The following EP400 variants were observed in gnomAD, a reference collection of about 807,000 sequenced individuals.
The protein encoded by EP400 is E1A binding protein p400.
EP400 carries 105 observed loss-of-function variants against 354.1 expected under a neutral mutation model. The ratio of observed to expected loss-of-function variants is 0.30; its 90% CI spans 0.25 to 0.35. The LOEUF is 0.35. Among genes scored for constraint, EP400 ranks in the 10% least tolerant of loss-of-function variants. The probability of loss-of-function intolerance (pLI) is 1.00; values close to 1 mark genes in which losing one functional copy is unlikely to be tolerated. For synonymous variants in EP400, 1,646 were observed against 1,716.9 expected (o/e 0.96, Z 1.02); for missense variants, 3,280 against 4,121.0 (o/e 0.80, Z 5.59).
Position 131,990,754 on chromosome 12 carries a change from T to C in EP400, c.2629+40T>C, listed in dbSNP as rs1566176148. On this transcript the variant is annotated intron_variant, in intron 9 of 52. Transcript: ENST00000389561. The surrounding 1 kb of genome is among the most constrained non-coding windows in gnomAD (Gnocchi z 4.2). Reference sequence around the variant, plus strand: ...AAAAAGGCTCACCACGCTTGGGTGGTATTTTGTTCGGATTCTTTTCTCAGC... The same window carrying C: ...AAAAAGGCTCACCACGCTTGGGTGGCATTTTGTTCGGATTCTTTTCTCAGC... 6.8e-7 allele frequency: 1 copy of C among 1,481,022 alleles called. No individual in the cohort carries two copies. 91.7% of individuals were successfully genotyped at this position (1,481,022 alleles called of 1,614,324 possible).
At position 132,053,441 on chromosome 12, in the gene EP400, G is replaced by A. The variant is rs753886306; in HGVS notation, c.7572G>A (p.Pro2524=). The A allele has an allele frequency of 3.5e-5, 39 of 1,101,578 alleles. No individual in the cohort carries two copies. Among genetic ancestry groups the A allele is most frequent in the Middle Eastern group, 7.1e-4 (2 of 2,812 alleles). 68.2% of individuals were successfully genotyped at this position (1,101,578 alleles called of 1,614,324 possible). A position where few individuals can be genotyped will look rare whatever the true frequency, so the allele number is the denominator to read the frequency against. Residue 2524 remains proline (P), a synonymous_variant, in exon 43 of 53, where the codon CCG becomes CCA. Transcript: ENST00000389561. Reference sequence around the variant, plus strand: ...CACCCCCGCAGCAGCCACCGCCACCGCTGCCACAACCACAGGCAGCGGGCA... The same window carrying A: ...CACCCCCGCAGCAGCCACCGCCACCACTGCCACAACCACAGGCAGCGGGCA... The part of the protein sequence containing the change: ...PPPPPQQPPP[P]LPQPQAAGSQ...
At chr12:131,966,903 CAAAAAA>C (rs1179689543) in intron 2 of EP400, among the ~76,000 whole-genome samples, 2 of 57,836 alleles carry the variant, frequency 3.5e-5, no homozygotes, top group East Asian at 5.6e-4. Flanking sequence ...AGACTTGTCT[CAAAAAA>C]AAAAAAAAAA....
In EP400 at chr12:132,049,202, A is replaced by G. The variant is rs1465868753; in HGVS notation, c.7201-1121A>G. ...CGGGGCGGGGCATTCATGCCTGGTT[A>G]GAGCCTGCACAGGAGTTCCATTACC... is the stretch of plus-strand genomic sequence containing the variant. On this transcript the variant is annotated intron_variant, in intron 39 of 52. Coordinates refer to ENST00000389561, the MANE Select transcript of EP400 (RefSeq NM_015409.5). Among the ~76,000 whole-genome samples, 8 of 152,368 alleles carry G rather than the reference A, an allele frequency of 5.3e-5. No homozygotes were observed. In the East Asian group the frequency reaches 1.5e-3, roughly 29 times the overall value.
At chr12:132,040,137 A>G (rs1894848577) in intron 32 of EP400, among the ~76,000 whole-genome samples, 1 of 152,220 alleles carries the variant, frequency 6.6e-6, no homozygotes, top group Non-Finnish European at 1.5e-5. Flanking sequence ...ATCACTAATC[A>G]TCAGGAAAAT....
At position 131,979,710 on chromosome 12, in the gene EP400, G is replaced by A. The variant is rs1377163750; in HGVS notation, c.1352G>A (p.Gly451Glu). 13 of 1,607,956 alleles carry A rather than the reference G, an allele frequency of 8.1e-6. No homozygotes were observed. Among genetic ancestry groups the A allele is most frequent in the Non-Finnish European group, 1.1e-5 (13 of 1,177,110 alleles). The change falls in exon 3 of 53, where the codon GGG becomes GAG. Residue 451 changes from glycine to glutamate, a missense_variant. By Grantham distance (98) the Gly-to-Glu change is moderately conservative. This residue lies in a region of EP400 where 800 missense variants were observed against 840.0 expected (regional missense o/e 0.95). Transcript: ENST00000389561. ...TTTTCCCAGCAGCAAGCCCTCGCAGGGAGCCTGGTAGCAGGGGCCGGAAGC... is the reference window on the plus strand; with the variant it reads ...TTTTCCCAGCAGCAAGCCCTCGCAGAGAGCCTGGTAGCAGGGGCCGGAAGC... ...VINDEQQALA[G>E]SLVAGAGSTV...
chr12:132,019,933 G>T (rs1476990248), intron 21 of EP400, 116 bp from the exon 22 acceptor site: 26 of 1,116,522 alleles, frequency 2.3e-5, no homozygotes, highest in Non-Finnish European at 3.2e-5. Context: ...CACTCTGGGT[G>T]CTGGTCCCTG....
intron 1 of EP400, among the ~76,000 whole-genome samples, chr12:131,955,174 A>G (rs774078502): frequency 2.0e-5 from 3 of 152,224 alleles, no homozygotes; most frequent in Admixed American, 2.0e-4. Flanking sequence ...TTAGATAAAC[A>G]GTTTCTTTGC....
intron 22 of EP400, 88 bp from the exon 23 acceptor site, chr12:132,020,991 A>G: frequency 7.0e-7 from 1 of 1,433,266 alleles, no homozygotes; most frequent in Non-Finnish European, 9.1e-7. Flanking sequence ...TGAAATGTTT[A>G]TTTTATTTCT....
In EP400 at chr12:131,960,762, C is replaced by T. The variant is rs760143221; in HGVS notation, c.143C>T (p.Pro48Leu). The change falls in exon 2 of 53, where the codon CCG (proline) becomes CTG (leucine). Residue 48 changes from proline (P) to leucine (L), a missense_variant. By Grantham distance (98) the Pro-to-Leu change is moderately conservative (BLOSUM62 -3). Coordinates refer to ENST00000389561, the MANE Select transcript of EP400 (RefSeq NM_015409.5). The part of the protein sequence containing the change: ...PAAPFAPSAS[P>L]SAPQSPSYQI... ...GCTCCCTTCGCTCCCTCAGCAAGCC[C>T]GTCGGCACCCCAGTCTCCCAGTTAT... The T allele has an allele frequency of 1.2e-5, 19 of 1,611,618 alleles. No homozygotes were observed. Among genetic ancestry groups the T allele is most frequent in the Admixed American group, 5.0e-5 (3 of 59,834 alleles).
chr12:132,073,327 C>T (rs1158863659), intron 51 of EP400, among the ~76,000 whole-genome samples: 2 of 151,438 alleles, frequency 1.3e-5, no homozygotes, highest in Non-Finnish European at 2.9e-5. Context: ...TCCATGTGCA[C>T]ACTTCTGTAT....
intron 1 of EP400, among the ~76,000 whole-genome samples, chr12:131,950,958 G>A (rs1397816847): frequency 6.6e-6 from 1 of 152,026 alleles, no homozygotes; most frequent in Non-Finnish European, 1.5e-5. Flanking sequence ...GGAGTGCAGT[G>A]GCGCGATCTC....
At chr12:132,033,375 C>T (rs189136619) in intron 30 of EP400, among the ~76,000 whole-genome samples, 24 of 152,284 alleles carry the variant, frequency 1.6e-4, no homozygotes, top group Admixed American at 1.6e-3. Context: ...TTTACTTCTT[C>T]TGCTTATTTT....
intron 45 of EP400, among the ~76,000 whole-genome samples, chr12:132,057,665 G>A (rs1447427952): frequency 6.6e-6 from 1 of 152,142 alleles, no homozygotes; most frequent in East Asian, 1.9e-4. Flanking sequence ...TTTCTAGTAT[G>A]TGACTTTAAG....
At chr12:131,986,941 G>A in intron 6 of EP400, 134 bp downstream of exon 6, 2 of 1,126,462 alleles carry the variant, frequency 1.8e-6, no homozygotes, top group East Asian at 4.9e-5. Context: ...GTAGACACAA[G>A]ATGAAAACCA....
intron 15 of EP400, 151 bp downstream of exon 15, chr12:132,007,028 ATTT>A: frequency 1.3e-6 from 1 of 789,346 alleles, no homozygotes; most frequent in Non-Finnish European, 2.0e-6. Context: ...AGAAGTATTC[ATTT>A]TATGAATGAA....
Position 132,027,386 on chromosome 12 carries a change from A to G in EP400, c.5015-51A>G, listed in dbSNP as rs752966901. On this transcript the variant is annotated intron_variant, in intron 25 of 52. Coordinates refer to ENST00000389561, the MANE Select transcript of EP400 (RefSeq NM_015409.5). The surrounding 1 kb of genome is among the most constrained non-coding windows in gnomAD (Gnocchi z 4.9). ...CATGGAGCATGCTGGTGTCAGATGAAATCCTGTGAACTTGGCGTTCCTTTT... is the reference window on the plus strand; with the variant it reads ...CATGGAGCATGCTGGTGTCAGATGAGATCCTGTGAACTTGGCGTTCCTTTT... 1.4e-5 allele frequency: 23 copies of G among 1,590,380 alleles called. No individual in the cohort carries two copies. The highest frequency in any genetic ancestry group is 1.9e-5 in the Non-Finnish European group (22 of 1,159,072).
chr12:131,972,284 C>T lies in EP400; in HGVS notation c.1336-7410C>T, dbSNP rs34434031. On this transcript the variant is annotated intron_variant, in intron 2 of 52. Coordinates refer to ENST00000389561, the MANE Select transcript of EP400 (RefSeq NM_015409.5). ...TCTCCTGCCTCAGCCTCCGGAGTAGCTGAGACTACAGGCCCCTGCGACCAC... is the reference window on the plus strand; with the variant it reads ...TCTCCTGCCTCAGCCTCCGGAGTAGTTGAGACTACAGGCCCCTGCGACCAC... Among the ~76,000 whole-genome samples, 1,093 of 151,996 alleles carry T rather than the reference C, an allele frequency of 7.2e-3. 7 individuals are homozygous for T. Among genetic ancestry groups the T allele is most frequent in the Non-Finnish European group, 0.011 (731 of 67,956 alleles).
At chr12:131,966,142 C>G (rs7964279) in intron 2 of EP400, among the ~76,000 whole-genome samples, 19,098 of 152,084 alleles carry the variant, frequency 0.13, 1,642 homozygotes, top group African/African-American at 0.24. Flanking sequence ...GTAATCCCAG[C>G]ACTTTGGGAT....
At chr12:131,953,382 T>C (rs573435056) in intron 1 of EP400, among the ~76,000 whole-genome samples, 1 of 152,348 alleles carries the variant, frequency 6.6e-6, no homozygotes, top group South Asian at 2.1e-4. Context: ...AGATCCCACC[T>C]GTTCTAGTAT....
Sources: gnomAD v4.1 joint callset for allele counts (sites outside exome capture counted in the v4.1 genomes callset) on GRCh38, gnomAD v4.1.1 for gene constraint, gnomAD v4.1.1 regional missense constraint, Gnocchi (gnomAD v3.1) non-coding constraint, MANE v1.5 for transcripts, NCBI Gene and HGNC (gene_info 2026-07-23, HGNC 2026-07-21) for gene names.